Variants in DDX10 observed in about 807,000 individuals in gnomAD.
The protein encoded by DDX10 is DEAD-box helicase 10.
DDX10 carries 74 observed loss-of-function variants against 104.3 expected under a neutral mutation model. The observed-to-expected ratio is 0.71, with a 90% CI of 0.59 to 0.86. The LOEUF is 0.86. DDX10 is among the 40% of genes least tolerant of loss of function. DDX10 has a pLI of 0.00. For synonymous variants in DDX10, 351 were observed against 353.4 expected (o/e 0.99, Z 0.08); for missense variants, 952 against 1,040.0 (o/e 0.92, Z 1.16).
intron 13 of DDX10, among the ~76,000 whole-genome samples, chr11:108,813,192 A>C (rs1862209578): frequency 6.6e-6 from 1 of 152,160 alleles, no homozygotes; most frequent in Non-Finnish European, 1.5e-5. Flanking sequence ...ACTAAGTCAA[A>C]GGGTACGTAA....
At chr11:108,929,458 A>G (rs1016042932) in intron 17 of DDX10, 3 of 152,242 alleles carry the variant, frequency 2.0e-5, no homozygotes, top group African/African-American at 7.2e-5. Context: ...TAGCATCATC[A>G]TGACTGTACA....
chr11:108,780,604 C>G (rs577837189), intron 13 of DDX10, among the ~76,000 whole-genome samples: 5 of 152,164 alleles, frequency 3.3e-5, no homozygotes, highest in Non-Finnish European at 7.4e-5. Flanking sequence ...ACCACATCCT[C>G]TATAAATATA....
chr11:108,673,965 C>G (rs2094220502), intron 2 of DDX10, among the ~76,000 whole-genome samples: 1 of 152,150 alleles, frequency 6.6e-6, no homozygotes, highest in Non-Finnish European at 1.5e-5. Context: ...AGGATTTGTT[C>G]CAGGCCTCCT....
chr11:108,848,762 G>C (rs910317357), intron 15 of DDX10, among the ~76,000 whole-genome samples: 13 of 152,114 alleles, frequency 8.5e-5, no homozygotes, highest in African/African-American at 3.1e-4. Flanking sequence ...TATGGTGTTG[G>C]AGAGGTGGGT....
chr11:108,778,118 C>T (rs2094372620), intron 13 of DDX10, among the ~76,000 whole-genome samples: 1 of 152,150 alleles, frequency 6.6e-6, no homozygotes, highest in Non-Finnish European at 1.5e-5. Flanking sequence ...GGCCATACTG[C>T]CCAAGGTAAT....
At position 108,750,530 on chromosome 11, in the gene DDX10, A is replaced by T. The variant is rs530535972; in HGVS notation, c.1965+27068A>T. ...ACTCTCACCCTCTTCCTCTTGTCAC[A>T]GACCCCCTTCAGCAGTCTGATAATG... On this transcript the variant is annotated intron_variant, in intron 13 of 17. Coordinates refer to ENST00000322536, the MANE Select transcript of DDX10 (RefSeq NM_004398.4). 5.3e-5 allele frequency among the ~76,000 whole-genome samples: 8 copies of T among 152,210 alleles called. No individual in the cohort carries two copies. In the East Asian group the frequency reaches 1.5e-3, roughly 29 times the overall value.
rs533044756 is a variant in DDX10 at position 108,696,919 on chromosome 11, G to A, written c.1223+3319G>A. ...ATAAATCAGGAAAAGATTCTAGAGG[G>A]GGGAATATTTCAAGGTTCTTGGTTC... is the stretch of plus-strand genomic sequence containing the variant. On this transcript the variant is annotated intron_variant, in intron 9 of 17. Coordinates refer to ENST00000322536, the MANE Select transcript of DDX10 (RefSeq NM_004398.4). Among the ~76,000 whole-genome samples, 10 of 152,116 alleles carry A rather than the reference G, an allele frequency of 6.6e-5. No individual in the cohort carries two copies. The South Asian group carries it at 2.1e-3, about 32-fold the overall frequency.
intron 9 of DDX10, among the ~76,000 whole-genome samples, chr11:108,700,197 C>T (rs2094265735): frequency 6.6e-6 from 1 of 152,180 alleles, no homozygotes; most frequent in African/African-American, 2.4e-5. Flanking sequence ...CCCTGTACCA[C>T]ACAAAGAACG....
In DDX10 at chr11:108,883,720, C is replaced by T. The variant is rs183270337; in HGVS notation, c.2304+31511C>T. ...ATGTTATACCTCCACTTGACCAAAACCTGTCTTTTCACAATCAGCAGCAAC... is the reference window on the plus strand; with the variant it reads ...ATGTTATACCTCCACTTGACCAAAATCTGTCTTTTCACAATCAGCAGCAAC... On this transcript the variant is annotated intron_variant, in intron 16 of 17. Transcript: ENST00000322536. 2.6e-5 allele frequency among the ~76,000 whole-genome samples: 4 copies of T among 152,282 alleles called. No homozygotes were observed. In the East Asian group the frequency reaches 7.7e-4, roughly 29 times the overall value.
rs554420879 is a variant in DDX10 at position 108,814,749 on chromosome 11, G to A, written c.1966-23697G>A. 2.8e-4 allele frequency among the ~76,000 whole-genome samples: 42 copies of A among 152,166 alleles called. No homozygotes were observed. In the South Asian group the frequency reaches 8.1e-3, roughly 29 times the overall value. The stretch of plus-strand genomic sequence containing the variant: ...GTAATTAAGTTAATGATCATTAGGG[G>A]GAAGATTATAATACATCAATATATT... On this transcript the variant is annotated intron_variant, in intron 13 of 17. Transcript: ENST00000322536.
At chr11:108,765,338 A>G (rs1045141084) in intron 13 of DDX10, among the ~76,000 whole-genome samples, 2 of 152,168 alleles carry the variant, frequency 1.3e-5, no homozygotes, top group Non-Finnish European at 2.9e-5. Flanking sequence ...AATTAATCAT[A>G]GTATTTGAAT....
rs983414130 is a variant in DDX10, at chr11:108,857,650, T to C, written c.2304+5441T>C. ...AACAGTGCTGAGGTCACTCATATTATGATTTCTTATTTTGTAGACAAGGAA... is the reference window on the plus strand; with the variant it reads ...AACAGTGCTGAGGTCACTCATATTACGATTTCTTATTTTGTAGACAAGGAA... On this transcript the variant is annotated intron_variant, in intron 16 of 17. Transcript: ENST00000322536. Among the ~76,000 whole-genome samples the C allele has an allele frequency of 1.4e-4, 22 of 152,354 alleles. 1 individual carries two copies. Among genetic ancestry groups the C allele is most frequent in the African/African-American group, 5.3e-4 (22 of 41,590 alleles).
chr11:108,711,563 C>T (rs2094284363), intron 10 of DDX10, among the ~76,000 whole-genome samples: 1 of 152,066 alleles, frequency 6.6e-6, no homozygotes. Context: ...GAACTCCCGA[C>T]CCCAGGTGAT....
intron 2 of DDX10, 44 bp from the exon 3 acceptor site, chr11:108,675,552 T>G: frequency 6.2e-7 from 1 of 1,601,620 alleles, no homozygotes; most frequent in Non-Finnish European, 8.5e-7. Context: ...AATACCATCC[T>G]ACAGGGATCT....
At chr11:108,729,213 A>G (rs1221569507) in intron 13 of DDX10, among the ~76,000 whole-genome samples, 1 of 152,174 alleles carries the variant, frequency 6.6e-6, no homozygotes, top group Non-Finnish European at 1.5e-5. Context: ...TCTTTGGGTT[A>G]TCGACAGGGT....
intron 13 of DDX10, among the ~76,000 whole-genome samples, chr11:108,794,604 T>C (rs1009783856): frequency 6.6e-6 from 1 of 152,180 alleles, no homozygotes; most frequent in African/African-American, 2.4e-5. Flanking sequence ...GTCAAATGCC[T>C]TTTTTACATT....
intron 16 of DDX10, among the ~76,000 whole-genome samples, chr11:108,901,002 G>A (rs1207535125): frequency 6.6e-6 from 1 of 152,012 alleles, no homozygotes; most frequent in Non-Finnish European, 1.5e-5. Flanking sequence ...AAGTGAAATG[G>A]CATCTCCTTC....
At chr11:108,699,575 C>T (rs925773501) in intron 9 of DDX10, among the ~76,000 whole-genome samples, 1 of 152,106 alleles carries the variant, frequency 6.6e-6, no homozygotes, top group Non-Finnish European at 1.5e-5. Flanking sequence ...GGGCAAATGA[C>T]AGCTGAGGGA....
At chr11:108,909,825 G>GC (rs1359820366) in intron 16 of DDX10, among the ~76,000 whole-genome samples, 1 of 152,134 alleles carries the variant, frequency 6.6e-6, no homozygotes, top group Non-Finnish European at 1.5e-5. Context: ...ATGTTAGAAG[G>GC]CACCACAACA....
Sources: allele counts gnomAD v4.1 joint callset (sites outside exome capture counted in the v4.1 genomes callset), GRCh38; gene constraint gnomAD v4.1.1; transcripts MANE v1.5; gene names NCBI Gene and HGNC (gene_info 2026-07-23, HGNC 2026-07-21).